TYW1: variants seen among roughly 807,000 people sequenced by gnomAD.
TYW1 encodes S-adenosyl-L-methionine-dependent tRNA 4-demethylwyosine synthase TYW1.
TYW1 carries 46 observed loss-of-function variants against 96.2 expected under a neutral mutation model. The ratio of observed to expected loss-of-function variants is 0.48; its 90% CI spans 0.38 to 0.61. The LOEUF (loss-of-function observed/expected upper bound fraction) is 0.61. TYW1 is among the 20% of genes least tolerant of loss of function. The probability of loss-of-function intolerance (pLI) is 0.00; values close to 1 mark genes in which losing one functional copy is unlikely to be tolerated. For synonymous variants in TYW1, 274 were observed against 323.0 expected, an observed-to-expected ratio of 0.85 and a Z score of 1.63; for missense variants, 684 against 909.6, an observed-to-expected ratio of 0.75 and a Z score of 3.19.
intron 5 of TYW1, 122 bp from the exon 6 acceptor site, chr7:67,017,731 C>G (rs779527643): frequency 1.1e-4 from 144 of 1,366,128 alleles, no homozygotes; most frequent in Non-Finnish European, 1.2e-4. Flanking sequence ...CCAGCAATTT[C>G]CTCTTCCTTA....
chr7:67,231,745 C>A (rs2140566), intron 15 of TYW1, among the ~76,000 whole-genome samples: 1 of 151,504 alleles, frequency 6.6e-6, no homozygotes, highest in Non-Finnish European at 1.5e-5. Flanking sequence ...GTGCCTCAGA[C>A]GGTGTGTCTG....
chr7:67,030,592 A>G (rs1192149518), intron 7 of TYW1, among the ~76,000 whole-genome samples: 1 of 152,148 alleles, frequency 6.6e-6, no homozygotes, highest in Non-Finnish European at 1.5e-5. Flanking sequence ...AGATTGCACC[A>G]TTGTACCATG....
At chr7:67,062,013 T>C (rs1312884429) in intron 9 of TYW1, among the ~76,000 whole-genome samples, 4 of 152,226 alleles carry the variant, frequency 2.6e-5, no homozygotes, top group Non-Finnish European at 5.9e-5. Context: ...ACTGTGAGGT[T>C]GGCCATTAAC....
At chr7:67,125,972 CA>C (rs1189057472) in intron 13 of TYW1, among the ~76,000 whole-genome samples, 3 of 152,150 alleles carry the variant, frequency 2.0e-5, no homozygotes, top group Non-Finnish European at 4.4e-5. Context: ...CACTGAAGGG[CA>C]TCTTGGTTTC....
In TYW1 at chr7:67,088,104, A is replaced by T. The variant is rs540850048; in HGVS notation, c.1384+4565A>T. Among the ~76,000 whole-genome samples, 15 of 152,156 alleles carry T rather than the reference A, an allele frequency of 9.9e-5. No homozygotes were observed. The South Asian group carries it at 3.1e-3, about 32-fold the overall frequency. Reference sequence around the variant, plus strand: ...GGTCTTGAACTCCTGGGCTCAAATGATCCTTCTGCCTGGGCCTCCCAAAGT... The same window carrying T: ...GGTCTTGAACTCCTGGGCTCAAATGTTCCTTCTGCCTGGGCCTCCCAAAGT... On this transcript the variant is annotated intron_variant, in intron 11 of 15. Coordinates refer to ENST00000359626, the MANE Select transcript of TYW1 (RefSeq NM_018264.4).
In TYW1 at chr7:67,102,291, C is replaced by T. The variant is rs1311448199; in HGVS notation, c.1562+3573C>T. Among the ~76,000 whole-genome samples, 8 of 152,256 alleles carry T rather than the reference C, an allele frequency of 5.3e-5. No homozygotes were observed. The South Asian group carries it at 1.7e-3, about 32-fold the overall frequency. ...TACCCGAAAACGTCCAACAAAATGC[C>T]GGCCACATTTGGTAGATGTTATCGA... is the stretch of plus-strand genomic sequence containing the variant. On this transcript the variant is annotated intron_variant, in intron 12 of 15. Transcript: ENST00000359626.
rs140796381 is a variant in TYW1 at position 67,063,846 on chromosome 7, C to T, written c.1156-3439C>T. The stretch of plus-strand genomic sequence containing the variant: ...CTTGATCTCCTGACCTTGTGATCCG[C>T]CCACCTCAGCCTCCCAAAGTGCTGG... On this transcript the variant is annotated intron_variant, in intron 9 of 15. Transcript: ENST00000359626. 3.9e-3 allele frequency among the ~76,000 whole-genome samples: 539 copies of T among 139,978 alleles called. 4 individuals are homozygous for T. The highest frequency in any genetic ancestry group is 0.013 in the African/African-American group (460 of 36,752). The allele number at this position is 139,978 out of a possible 152,430, so 91.8% of individuals were successfully genotyped here.
rs534192030 is a variant in TYW1, at chr7:67,107,261, G to A, written c.1562+8543G>A. Reference sequence around the variant, plus strand: ...TCTTGCAATAGAAGTAAATACTGCCGCCTGAGTCTTTCAATAGAAGTTTCA... The same window carrying A: ...TCTTGCAATAGAAGTAAATACTGCCACCTGAGTCTTTCAATAGAAGTTTCA... On this transcript the variant is annotated intron_variant, in intron 12 of 15. Coordinates refer to ENST00000359626, the MANE Select transcript of TYW1 (RefSeq NM_018264.4). 5.3e-5 allele frequency among the ~76,000 whole-genome samples: 8 copies of A among 152,262 alleles called. No individual in the cohort carries two copies. The East Asian group carries it at 1.4e-3, about 26-fold the overall frequency.
chr7:67,013,282 T>C (rs55702507), intron 4 of TYW1, among the ~76,000 whole-genome samples: 23,746 of 147,576 alleles, frequency 0.16, 1,857 homozygotes, highest in South Asian at 0.22. Flanking sequence ...ACTACCACGC[T>C]TGCCTAGTTT....
At chr7:67,155,203 T>A (rs948926663) in intron 13 of TYW1, among the ~76,000 whole-genome samples, 3 of 152,214 alleles carry the variant, frequency 2.0e-5, no homozygotes, top group Non-Finnish European at 2.9e-5. Flanking sequence ...TGGATGTTTG[T>A]CCCCTCCAAA....
chr7:67,049,659 G>C (rs2129261477), intron 7 of TYW1, among the ~76,000 whole-genome samples: 1 of 152,140 alleles, frequency 6.6e-6, no homozygotes, highest in African/African-American at 2.4e-5. Context: ...TGATTCTCCT[G>C]CCTCAGCCTC....
intron 13 of TYW1, among the ~76,000 whole-genome samples, chr7:67,180,632 C>CATTTATTT (rs375057980): frequency 0.13 from 18,876 of 147,436 alleles, 1,340 homozygotes; most frequent in South Asian, 0.18. Flanking sequence ...AATAGAAATG[C>CATTTATTT]ATTTATTTAT....
At chr7:67,156,214 C>T (rs1798965658) in intron 13 of TYW1, among the ~76,000 whole-genome samples, 1 of 152,314 alleles carries the variant, frequency 6.6e-6, no homozygotes, top group East Asian at 1.9e-4. Context: ...CAGTCATGGG[C>T]TGGGCCTGTG....
chr7:66,999,970 C>CTGT (rs941981753), intron 3 of TYW1, among the ~76,000 whole-genome samples: 6 of 151,886 alleles, frequency 4.0e-5, no homozygotes, highest in Non-Finnish European at 8.8e-5. Flanking sequence ...GGGTCTCTCT[C>CTGT]TGTTGCCCAG....
chr7:67,055,591 T>G (rs1417291597), intron 8 of TYW1, among the ~76,000 whole-genome samples: 1 of 136,330 alleles, frequency 7.3e-6, no homozygotes, highest in Non-Finnish European at 1.6e-5. Flanking sequence ...AGAGCGGGAC[T>G]GTCTTAAAAA....
chr7:67,034,477 C>T (rs75155592), intron 7 of TYW1, among the ~76,000 whole-genome samples: 46,071 of 151,800 alleles, frequency 0.3, 7,285 homozygotes, highest in East Asian at 0.53. Context: ...TCCTGTTTTT[C>T]CTGGATCCGC....
At chr7:67,047,208 T>G (rs1795213127) in intron 7 of TYW1, among the ~76,000 whole-genome samples, 2 of 152,188 alleles carry the variant, frequency 1.3e-5, no homozygotes, top group South Asian at 2.1e-4. Flanking sequence ...GTTGAGATTT[T>G]TTCATTTTGC....
chr7:67,079,564 A>G (rs1796317413), intron 10 of TYW1, among the ~76,000 whole-genome samples: 1 of 143,054 alleles, frequency 7.0e-6, no homozygotes, highest in Non-Finnish European at 1.5e-5. Flanking sequence ...TGTTTTGTTG[A>G]TTTTTGTGTT....
intron 7 of TYW1, among the ~76,000 whole-genome samples, chr7:67,029,407 G>GTATATATATACATATATATATATATATA (rs1453768398): frequency 1.0e-5 from 1 of 96,228 alleles, no homozygotes; most frequent in Non-Finnish European, 2.1e-5. Flanking sequence ...GTGTGTGTGT[G>GTATATATATACATATATATATATATATA]TGTGTGTGTA....
Sources: allele counts gnomAD v4.1 joint callset (sites outside exome capture counted in the v4.1 genomes callset), GRCh38; gene constraint gnomAD v4.1.1; transcripts MANE v1.5; gene names NCBI Gene and HGNC (gene_info 2026-07-23, HGNC 2026-07-21).